Variants in MED14 observed in about 807,000 individuals in gnomAD.
MED14 encodes the protein mediator of RNA polymerase II transcription subunit 14.
In MED14, 8 loss-of-function variants were observed where a neutral mutation model predicts 109.0. The observed-to-expected ratio is 0.07, with a 90% CI of 0.04 to 0.13. The LOEUF (loss-of-function observed/expected upper bound fraction) is 0.13. MED14 is among the 10% of genes least tolerant of loss of function. MED14 has a pLI of 1.00. For synonymous variants in MED14, 399 were observed against 408.7 expected (o/e 0.98, Z 0.29); for missense variants, 711 against 1,142.4 (o/e 0.62, Z 5.44).
At chrX:40,703,842 T>C (rs1486646831) in intron 10 of MED14, among the ~76,000 whole-genome samples, 1 of 112,753 alleles carries the variant, frequency 8.9e-6, no homozygotes, top group Non-Finnish European at 1.9e-5. Context: ...TTGAAATAGC[T>C]AGTGAAAATT....
rs1161431716 is a variant in MED14 at position 40,706,050 on chromosome X, C to T, written c.1286-2481G>A. ...TCCCCTAGCCTTCCCTTGAAATGCT[C>T]CACTCTCTGAGCTACTCATTTCCTT... On this transcript the variant is annotated intron_variant, in intron 10 of 30. Transcript: ENST00000324817. Among the ~76,000 whole-genome samples the T allele has an allele frequency of 4.5e-5, 5 of 111,321 alleles. No homozygotes were observed. The South Asian group carries it at 1.1e-3, about 25-fold the overall frequency.
chrX:40,664,620 A>C (rs886986902), intron 24 of MED14, 131 bp from the exon 25 acceptor site: 20 of 393,561 alleles, frequency 5.1e-5, no homozygotes, highest in Non-Finnish European at 7.7e-5. Flanking sequence ...CTGAAGCTTG[A>C]TGTGTGTTAA....
At chrX:40,695,448 A>T (rs968365749) in intron 13 of MED14, among the ~76,000 whole-genome samples, 7 of 112,325 alleles carry the variant, frequency 6.2e-5, no homozygotes, top group Non-Finnish European at 1.3e-4. Flanking sequence ...CTAAGTGATA[A>T]ATCTAGAGGA....
At chrX:40,702,172 T>C (rs938906055) in intron 11 of MED14, among the ~76,000 whole-genome samples, 6 of 111,752 alleles carry the variant, frequency 5.4e-5, no homozygotes, top group Non-Finnish European at 1.1e-4. Flanking sequence ...AAATTTCTGT[T>C]GTTTAAGTCA....
At chrX:40,673,993 ACTT>A (rs1041268615) in intron 22 of MED14, among the ~76,000 whole-genome samples, 6 of 111,497 alleles carry the variant, frequency 5.4e-5, no homozygotes, top group African/African-American at 2.0e-4. Flanking sequence ...CAACTCAGTT[ACTT>A]CTTTCCCCCA....
At position 40,712,979 on chromosome X, in the gene MED14, T is replaced by C. The variant is rs867062016; in HGVS notation, c.716A>G (p.Asp239Gly). The C allele has an allele frequency of 8.4e-7, 1 of 1,193,261 alleles. No individual in the cohort carries two copies. The highest frequency in any genetic ancestry group is 1.7e-5 in the African/African-American group (1 of 57,732). Residue 239 changes from aspartate (D) to glycine (G), a missense_variant, in exon 6 of 31, where the codon GAT (aspartate) becomes GGT (glycine). Asp to Gly is a moderately conservative substitution (Grantham distance 94). Around this residue, in one of 8 missense-constraint regions of MED14, gnomAD observed 388 missense variants for 517.3 expected, o/e 0.75. Transcript: ENST00000324817. ...AAGACGCCATGGAACATCAGGGTCA[T>C]CTCCCATCACAGTCAAGGTGGCTTC... ...EFEATLTVMG[D>G]DPDVPWRLLK...
intron 3 of MED14, among the ~76,000 whole-genome samples, chrX:40,715,800 AAAAAAAAAAAAAG>A (rs1325351011): frequency 4.8e-5 from 5 of 103,373 alleles, no homozygotes; most frequent in African/African-American, 7.1e-5. Flanking sequence ...AAAAAAAAAA[AAAAAAAAAAAAAG>A]GACAGACAAC....
intron 3 of MED14, among the ~76,000 whole-genome samples, chrX:40,724,800 A>C (rs980550721): frequency 9.0e-6 from 1 of 111,575 alleles, no homozygotes. Flanking sequence ...ATTAGAAGAA[A>C]TAATAAATAT....
chrX:40,680,686 G>A (rs1930078379), intron 20 of MED14, 72 bp downstream of exon 20: 2 of 933,247 alleles, frequency 2.1e-6, no homozygotes, highest in Non-Finnish European at 3.0e-6. Flanking sequence ...CCAAAGGGTT[G>A]GGATTACAGG....
chrX:40,687,208 T>C (rs1464483404), intron 16 of MED14, among the ~76,000 whole-genome samples: 1 of 111,604 alleles, frequency 9.0e-6, no homozygotes, highest in Admixed American at 9.5e-5. Flanking sequence ...CCACCATCCA[T>C]CATTTGCCCA....
intron 1 of MED14, among the ~76,000 whole-genome samples, chrX:40,730,388 C>T (rs1932034384): frequency 9.0e-6 from 1 of 111,622 alleles, no homozygotes; most frequent in South Asian, 3.7e-4. Flanking sequence ...CAAATAAAGG[C>T]AGCTACTGGC....
At chrX:40,660,105 A>C (rs1929207541) in intron 26 of MED14, among the ~76,000 whole-genome samples, 1 of 112,026 alleles carries the variant, frequency 8.9e-6, no homozygotes, top group African/African-American at 3.3e-5. Context: ...TTTAGGTATG[A>C]GAATGGTGCA....
At chrX:40,703,289 G>A (rs1409497552) in intron 11 of MED14, among the ~76,000 whole-genome samples, 155 bp downstream of exon 11, 2 of 112,598 alleles carry the variant, frequency 1.8e-5, no homozygotes, top group Non-Finnish European at 3.8e-5. Context: ...AAACGGCCCC[G>A]AGGAACTGAC....
chrX:40,729,377 C>T, intron 1 of MED14, 32 bp from the exon 2 acceptor site: 1 of 1,133,939 alleles, frequency 8.8e-7, no homozygotes, highest in Non-Finnish European at 1.2e-6. Flanking sequence ...GGATTAGATA[C>T]ATGCATACCT....
intron 30 of MED14, among the ~76,000 whole-genome samples, chrX:40,653,472 A>C (rs374821263): frequency 8.9e-6 from 1 of 112,105 alleles, no homozygotes; most frequent in East Asian, 2.8e-4. Context: ...AGTTCTAGAA[A>C]ACTTTGGACA....
intron 21 of MED14, among the ~76,000 whole-genome samples, chrX:40,678,792 C>T (rs1297489508): frequency 1.9e-5 from 2 of 106,510 alleles, no homozygotes; most frequent in Non-Finnish European, 3.9e-5. Context: ...GAGGACAGAA[C>T]GAGACCCTGT....
chrX:40,713,372 C>T (rs1045248321), intron 5 of MED14, among the ~76,000 whole-genome samples: 2 of 112,117 alleles, frequency 1.8e-5, no homozygotes, highest in Admixed American at 9.5e-5. Flanking sequence ...GCTGGCAAGT[C>T]GTAGAATCAA....
Position 40,703,582 on chromosome X carries a change from G to C in MED14, c.1286-13C>G, listed in dbSNP as rs2146695463. 1 of 1,126,483 alleles carries C rather than the reference G, an allele frequency of 8.9e-7. No individual in the cohort carries two copies. The allele number at this position is 1,126,483 out of a possible 1,213,427, so 92.8% of individuals were successfully genotyped here. The stretch of plus-strand genomic sequence containing the variant: ...GTCTCTATGGAAGCTGAACAATCAA[G>C]AATTAAAAATTATTTTTCTATCTGA... On this transcript the variant is annotated splice_polypyrimidine_tract_variant and intron_variant, in intron 10 of 30. Coordinates refer to ENST00000324817, the MANE Select transcript of MED14 (RefSeq NM_004229.4).
At chrX:40,676,560 C>T (rs761781938) in intron 21 of MED14, among the ~76,000 whole-genome samples, 7 of 111,900 alleles carry the variant, frequency 6.3e-5, no homozygotes, top group Middle Eastern at 4.6e-3. Flanking sequence ...CCCTGAGATA[C>T]TTTGGAACTG....
Sources: gnomAD v4.1 joint callset for allele counts (sites outside exome capture counted in the v4.1 genomes callset) on GRCh38, gnomAD v4.1.1 for gene constraint, gnomAD v4.1.1 regional missense constraint, MANE v1.5 for transcripts, NCBI Gene and HGNC (gene_info 2026-07-23, HGNC 2026-07-21) for gene names.